TNNI3K: variants seen among roughly 807,000 people sequenced by gnomAD.
TNNI3K encodes TNNI3 interacting kinase.
TNNI3K carries 140 observed loss-of-function variants against 114.5 expected under a neutral mutation model. That is an observed-to-expected ratio of 1.22 (90% CI 1.07 to 1.41). TNNI3K has a LOEUF of 1.41. Among genes scored for constraint, TNNI3K ranks in the 40% most tolerant of loss-of-function variants. The pLI is 0.00. For missense variants in TNNI3K, 1,125 were observed against 1,007.6 expected (o/e 1.12, Z -1.58); for synonymous variants, 347 against 347.5 (o/e 1.00, Z 0.02).
At chr1:74,400,144 A>G (rs991019702) in intron 17 of TNNI3K, among the ~76,000 whole-genome samples, 1 of 152,212 alleles carries the variant, frequency 6.6e-6, no homozygotes, top group Non-Finnish European at 1.5e-5. Flanking sequence ...ATTAATTACC[A>G]TAAACAATCC....
chr1:74,262,956 A>G (rs935075031), intron 4 of TNNI3K, among the ~76,000 whole-genome samples: 5 of 152,098 alleles, frequency 3.3e-5, no homozygotes, highest in Admixed American at 3.3e-4. Flanking sequence ...ATTATTACTT[A>G]GTTAAATCTT....
intron 17 of TNNI3K, chr1:74,373,650 C>G (rs572604694): frequency 3.3e-5 from 5 of 151,922 alleles, no homozygotes; most frequent in African/African-American, 1.2e-4. Flanking sequence ...TTTCACGAAG[C>G]AATGACCTAA....
intron 17 of TNNI3K, chr1:74,375,315 T>G (rs968373840): frequency 5.2e-6 from 1 of 192,720 alleles, no homozygotes; most frequent in Non-Finnish European, 1.1e-5. Flanking sequence ...TGTTCATTCA[T>G]GGACATAGGC....
chr1:74,536,000 G>A (rs1056805160), intron 23 of TNNI3K, among the ~76,000 whole-genome samples: 1 of 151,974 alleles, frequency 6.6e-6, no homozygotes. Context: ...TTTTCTTAAT[G>A]TATCCATGGT....
chr1:74,505,647 C>A (rs760538308), intron 23 of TNNI3K, among the ~76,000 whole-genome samples: 1 of 152,020 alleles, frequency 6.6e-6, no homozygotes, highest in Non-Finnish European at 1.5e-5. Flanking sequence ...TTTGCTTACT[C>A]GTATTTGAAG....
Position 74,356,087 on chromosome 1 carries a change from C to T in TNNI3K, c.1177+1958C>T, listed in dbSNP as rs538137243. Among the ~76,000 whole-genome samples the T allele has an allele frequency of 2.6e-5, 4 of 152,234 alleles. No individual in the cohort carries two copies. In the East Asian group the frequency reaches 5.8e-4, roughly 22 times the overall value. ...TACCACTGCCTTCTTGTGGCATAGT[C>T]GTTTTGCCACTTTCTGCACTTTATA... On this transcript the variant is annotated intron_variant, in intron 11 of 24. Coordinates refer to ENST00000326637, the MANE Select transcript of TNNI3K (RefSeq NM_015978.3).
chr1:74,281,279 T>C (rs753368360), intron 5 of TNNI3K, among the ~76,000 whole-genome samples: 1 of 151,914 alleles, frequency 6.6e-6, no homozygotes, highest in Non-Finnish European at 1.5e-5. Flanking sequence ...TATCCTCCCT[T>C]GGCCTCAATT....
intron 5 of TNNI3K, among the ~76,000 whole-genome samples, chr1:74,275,840 A>G (rs1202432061): frequency 1.3e-5 from 2 of 152,126 alleles, no homozygotes; most frequent in Non-Finnish European, 2.9e-5. Context: ...TTTACAATAT[A>G]TAACACACAA....
At chr1:74,338,814 C>T (rs975216097) in intron 7 of TNNI3K, among the ~76,000 whole-genome samples, 16 of 152,072 alleles carry the variant, frequency 1.1e-4, no homozygotes, top group East Asian at 3.9e-4. Context: ...GTTTTCTATA[C>T]GCCAGTATGC....
At chr1:74,535,428 T>C (rs3842886) in intron 23 of TNNI3K, among the ~76,000 whole-genome samples, 142,860 of 152,206 alleles carry the variant, frequency 0.94, 67,166 homozygotes, top group Middle Eastern at 0.97. Context: ...CGAGATTGCA[T>C]CACTGCAATC....
chr1:74,430,413 G>T (rs58062518), intron 17 of TNNI3K, among the ~76,000 whole-genome samples: 1 of 152,044 alleles, frequency 6.6e-6, no homozygotes, highest in South Asian at 2.1e-4. Flanking sequence ...TTCACTTTTG[G>T]TTAAAAGAAA....
chr1:74,289,747 C>A (rs1657561161), intron 5 of TNNI3K, among the ~76,000 whole-genome samples: 1 of 151,912 alleles, frequency 6.6e-6, no homozygotes, highest in African/African-American at 2.4e-5. Context: ...CTCCCCCTAA[C>A]CTCATACTTA....
chr1:74,411,462 A>G (rs1051326177), intron 17 of TNNI3K, among the ~76,000 whole-genome samples: 2 of 152,198 alleles, frequency 1.3e-5, no homozygotes, highest in Non-Finnish European at 2.9e-5. Flanking sequence ...TCTAACACAT[A>G]GGTCAAATAG....
At chr1:74,293,849 C>T (rs1272853310) in intron 5 of TNNI3K, among the ~76,000 whole-genome samples, 1 of 151,676 alleles carries the variant, frequency 6.6e-6, no homozygotes, top group Non-Finnish European at 1.5e-5. Flanking sequence ...ATTTTTATCA[C>T]ATTAAGAATT....
At chr1:74,541,727 T>G (rs1646728836) in intron 24 of TNNI3K, 1 of 152,168 alleles carries the variant, frequency 6.6e-6, no homozygotes, top group South Asian at 2.1e-4. Context: ...GGTTTTCCTA[T>G]GCATACCTGT....
chr1:74,258,041 T>G (rs1655436491), intron 4 of TNNI3K, among the ~76,000 whole-genome samples: 1 of 152,186 alleles, frequency 6.6e-6, no homozygotes, highest in African/African-American at 2.4e-5. Context: ...AAAGTATGAT[T>G]TTTTGGCATG....
At chr1:74,346,953 C>A (rs1221772898) in intron 9 of TNNI3K, among the ~76,000 whole-genome samples, 1 of 151,530 alleles carries the variant, frequency 6.6e-6, no homozygotes, top group Admixed American at 6.6e-5. Context: ...GGGGCCCACC[C>A]TAATGACCCC....
chr1:74,259,326 C>T (rs1184789138), intron 4 of TNNI3K, among the ~76,000 whole-genome samples: 1 of 152,182 alleles, frequency 6.6e-6, no homozygotes, highest in East Asian at 1.9e-4. Context: ...GTCTAAAGGC[C>T]CAAGAACGAG....
intron 4 of TNNI3K, among the ~76,000 whole-genome samples, chr1:74,255,756 A>G (rs1468099068): frequency 6.6e-6 from 1 of 152,208 alleles, no homozygotes; most frequent in East Asian, 1.9e-4. Context: ...CTACTATACC[A>G]AAAAGTTCCC....
Sources: gnomAD v4.1 joint callset for allele counts (sites outside exome capture counted in the v4.1 genomes callset) on GRCh38, gnomAD v4.1.1 for gene constraint, MANE v1.5 for transcripts, NCBI Gene and HGNC (gene_info 2026-07-23, HGNC 2026-07-21) for gene names.